The following SLAMF1 variants were observed in gnomAD, a reference collection of about 807,000 sequenced individuals.
The protein encoded by SLAMF1 is signaling lymphocytic activation molecule family member 1.
A neutral mutation model predicts 35.1 loss-of-function variants in SLAMF1; 18 were observed. The observed-to-expected ratio is 0.51, with a 90% CI of 0.35 to 0.76. SLAMF1 has a LOEUF of 0.76. Among genes scored for constraint, SLAMF1 ranks in the 30% least tolerant of loss-of-function variants. The pLI is 0.01. For synonymous variants in SLAMF1, 168 were observed against 157.2 expected (o/e 1.07, Z -0.51); for missense variants, 392 against 413.0 (o/e 0.95, Z 0.44).
intron 3 of SLAMF1, 32 bp from the exon 4 acceptor site, chr1:160,624,217 C>T: frequency 6.9e-7 from 1 of 1,451,626 alleles, no homozygotes; most frequent in Non-Finnish European, 9.6e-7. Flanking sequence ...AGAGCAATCT[C>T]AAAAGTATTC....
intron 2 of SLAMF1, among the ~76,000 whole-genome samples, chr1:160,635,738 A>AC: frequency 6.9e-6 from 1 of 144,338 alleles, no homozygotes; most frequent in Admixed American, 6.9e-5. Flanking sequence ...TGCTGAGCTA[A>AC]TTTTTTTTTT....
intron 5 of SLAMF1, chr1:160,615,689 T>C (rs760759774): frequency 3.4e-6 from 1 of 294,262 alleles, no homozygotes; most frequent in South Asian, 3.1e-5. Context: ...TGAATAAAGG[T>C]CTTCACAGAT....
chr1:160,634,957 G>C, intron 2 of SLAMF1, 60 bp from the exon 3 acceptor site: 1 of 1,474,018 alleles, frequency 6.8e-7, no homozygotes, highest in Non-Finnish European at 9.2e-7. Context: ...ATTCTCACTT[G>C]ACCTTTTTGT....
chr1:160,642,719 T>C lies in SLAMF1; in HGVS notation c.76+4151A>G, dbSNP rs189276573. Among the ~76,000 whole-genome samples, 42 of 152,262 alleles carry C rather than the reference T, an allele frequency of 2.8e-4. No individual in the cohort carries two copies. The highest frequency in any genetic ancestry group is 6.8e-3 in the Middle Eastern group (2 of 294). On this transcript the variant is annotated intron_variant, in intron 1 of 6. Coordinates refer to ENST00000302035, the MANE Select transcript of SLAMF1 (RefSeq NM_003037.5). This position sits in a 1 kb window ranked among gnomAD's most constrained non-coding sequence, Gnocchi z 4.2. ...TTGCCTTTATAGTATCCCTAAGAGG[T>C]ATATTATGGAAGAAAGTGGTGGGGA...
chr1:160,624,189 GAA>G lies in SLAMF1; in HGVS notation c.701-6_701-5del. On this transcript the variant is annotated splice_polypyrimidine_tract_variant and splice_region_variant and intron_variant, in intron 3 of 6. Coordinates refer to ENST00000302035, the MANE Select transcript of SLAMF1 (RefSeq NM_003037.5). ...TACACTGCCCATGGTTTTGTTTCTG[GAA>G]AAAAAAAGAAGTCAAAGAGCAATCT... The G allele has an allele frequency of 6.4e-7, 1 of 1,562,926 alleles. No homozygotes were observed. Among genetic ancestry groups the G allele is most frequent in the Non-Finnish European group, 8.7e-7 (1 of 1,148,740 alleles).
At chr1:160,630,634 G>A (rs1463302251) in intron 3 of SLAMF1, among the ~76,000 whole-genome samples, 1 of 152,028 alleles carries the variant, frequency 6.6e-6, no homozygotes, top group Non-Finnish European at 1.5e-5. Context: ...TTGCTGCTTT[G>A]GCTCGGGTCC....
intron 1 of SLAMF1, among the ~76,000 whole-genome samples, chr1:160,644,805 G>A (rs771275513): frequency 1.8e-4 from 28 of 152,136 alleles, no homozygotes; most frequent in Non-Finnish European, 3.2e-4. Context: ...GATAGAATGG[G>A]CCACTGAACA....
At chr1:160,620,328 C>T (rs1011858559) in intron 4 of SLAMF1, among the ~76,000 whole-genome samples, 1 of 152,058 alleles carries the variant, frequency 6.6e-6, no homozygotes, top group African/African-American at 2.4e-5. Context: ...GCTTTCTCAC[C>T]TCCCTATTTC....
At chr1:160,615,573 T>C (rs373137370) in intron 5 of SLAMF1, among the ~76,000 whole-genome samples, 1 of 152,286 alleles carries the variant, frequency 6.6e-6, no homozygotes, top group East Asian at 1.9e-4. Flanking sequence ...TAAGACATCC[T>C]ACCCAAATAT....
intron 3 of SLAMF1, among the ~76,000 whole-genome samples, chr1:160,633,589 G>A (rs1452837109): frequency 1.3e-5 from 2 of 152,220 alleles, no homozygotes; most frequent in Admixed American, 6.5e-5. Flanking sequence ...TGGATGCAGA[G>A]AGGAGAATGT....
At chr1:160,635,372 C>T (rs78499750) in intron 2 of SLAMF1, among the ~76,000 whole-genome samples, 2,079 of 152,092 alleles carry the variant, frequency 0.014, 30 homozygotes, top group Non-Finnish European at 0.023. Flanking sequence ...TGTACACGGG[C>T]GCATGGGTGA....
At chr1:160,644,044 T>C (rs955881505) in intron 1 of SLAMF1, among the ~76,000 whole-genome samples, 8 of 152,252 alleles carry the variant, frequency 5.3e-5, no homozygotes, top group Admixed American at 5.2e-4. Context: ...AACATTTGCA[T>C]GATGAAAAAA....
chr1:160,646,875 C>T lies in SLAMF1; in HGVS notation c.71G>A (p.Gly24Glu), dbSNP rs1391059329. The T allele has an allele frequency of 1.3e-6, 2 of 1,589,354 alleles. No homozygotes were observed. The highest frequency in any genetic ancestry group is 2.2e-5 in the South Asian group (2 of 90,438). Residue 24 changes from glycine to glutamate, a missense_variant, in exon 1 of 7, where the codon GGA becomes GAA. By Grantham distance (98) the Gly-to-Glu change is moderately conservative (BLOSUM62 -2). Coordinates refer to ENST00000302035, the MANE Select transcript of SLAMF1 (RefSeq NM_003037.5). The part of the protein sequence containing the change: ...FLSLAFGASY[G>E]TGGRMMNCPK... ...TCAGGCAGATGAACACTCACCTGTTCCGTAGCTTGCCCCAAAAGCCAGGGA... is the reference window on the plus strand; with the variant it reads ...TCAGGCAGATGAACACTCACCTGTTTCGTAGCTTGCCCCAAAAGCCAGGGA...
intron 6 of SLAMF1, among the ~76,000 whole-genome samples, chr1:160,611,567 C>T (rs1394565559): frequency 6.6e-6 from 1 of 152,120 alleles, no homozygotes; most frequent in African/African-American, 2.4e-5. Flanking sequence ...ACCTTTGTGC[C>T]TCTATCATCC....
intron 1 of SLAMF1, among the ~76,000 whole-genome samples, chr1:160,646,352 C>T (rs926000598): frequency 1.3e-5 from 2 of 152,308 alleles, no homozygotes; most frequent in African/African-American, 4.8e-5. Context: ...TGGTTCTCAG[C>T]CAAAAGCCTG....
chr1:160,609,420 A>G lies in SLAMF1; in HGVS notation c.*1328T>C, dbSNP rs1239145262. 2 of 152,248 alleles carry G rather than the reference A, an allele frequency of 1.3e-5. No homozygotes were observed. The highest frequency in any genetic ancestry group is 2.9e-5 in the Non-Finnish European group (2 of 68,042). The allele number at this position is 152,248 out of a possible 1,614,324, so 9.4% of individuals were successfully genotyped here. A position where few individuals can be genotyped will look rare whatever the true frequency, so the allele number is the denominator to read the frequency against. On this transcript the variant is annotated 3_prime_UTR_variant, in exon 7 of 7. Coordinates refer to ENST00000302035, the MANE Select transcript of SLAMF1 (RefSeq NM_003037.5). Reference sequence around the variant, plus strand: ...ACCAGGAAACGAGATGCACTAAGCAACAGGCTTACAATGTGAATTGACCTC... The same window carrying G: ...ACCAGGAAACGAGATGCACTAAGCAGCAGGCTTACAATGTGAATTGACCTC...
At chr1:160,616,329 C>T (rs1474911438) in intron 5 of SLAMF1, among the ~76,000 whole-genome samples, 4 of 151,600 alleles carry the variant, frequency 2.6e-5, no homozygotes, top group African/African-American at 9.7e-5. Flanking sequence ...CAACTTGTAT[C>T]CCAGTTAGAT....
chr1:160,637,199 C>T lies in SLAMF1; in HGVS notation c.407G>A (p.Arg136Lys), dbSNP rs757241843. The T allele has an allele frequency of 6.8e-6, 11 of 1,613,438 alleles. No individual in the cohort carries two copies. Among genetic ancestry groups the T allele is most frequent in the South Asian group, 1.1e-5 (1 of 91,064 alleles). Residue 136 changes from arginine to lysine, a missense_variant, in exon 2 of 7, where the codon AGG becomes AAG. Transcript: ENST00000302035. ...VSVQRFCLQL[R>K]LYEQVSTPEI... ...GAAGCCGCCATTATTACCATAAAGC[C>T]TCAACTGCAGGCAAAAGCGCTGAAC...
At position 160,637,374 on chromosome 1, in the gene SLAMF1, T is replaced by C; in HGVS notation, c.232A>G (p.Ile78Val). 6.2e-7 allele frequency: 1 copy of C among 1,614,164 alleles called. No individual in the cohort carries two copies. Among genetic ancestry groups the C allele is most frequent in the Non-Finnish European group, 8.5e-7 (1 of 1,180,020 alleles). Residue 78 changes from isoleucine (I) to valine (V), a missense_variant, in exon 2 of 7, where the codon ATA (isoleucine) becomes GTA (valine). Coordinates refer to ENST00000302035, the MANE Select transcript of SLAMF1 (RefSeq NM_003037.5). ...GCTTCGGATGGATCAAGAGACACTATTTTGTTCTCGACACTGTTCTCCAGT... is the reference window on the plus strand; with the variant it reads ...GCTTCGGATGGATCAAGAGACACTACTTTGTTCTCGACACTGTTCTCCAGT... ...KSLENSVENK[I>V]VSLDPSEAGP...
Sources: allele counts gnomAD v4.1 joint callset (sites outside exome capture counted in the v4.1 genomes callset), GRCh38; gene constraint gnomAD v4.1.1; non-coding constraint Gnocchi (gnomAD v3.1); transcripts MANE v1.5; gene names NCBI Gene and HGNC (gene_info 2026-07-23, HGNC 2026-07-21).